Variants in NR2E3 observed in about 807,000 individuals in gnomAD.
NR2E3 encodes the protein photoreceptor-specific nuclear receptor.
In NR2E3, 38 loss-of-function variants were observed where a neutral mutation model predicts 37.6. The ratio of observed to expected loss-of-function variants is 1.01; its 90% CI spans 0.78 to 1.33. NR2E3 has a LOEUF of 1.33. Among genes scored for constraint, NR2E3 ranks in the 40% most tolerant of loss-of-function variants. NR2E3 has a pLI of 0.00. For synonymous variants in NR2E3, 235 were observed against 225.1 expected, an observed-to-expected ratio of 1.04 and a Z score of -0.39; for missense variants, 562 against 558.7, an observed-to-expected ratio of 1.01 and a Z score of -0.06.
intron 7 of NR2E3, 148 bp downstream of exon 7, chr15:71,814,265 C>A: frequency 1.4e-6 from 2 of 1,429,744 alleles, no homozygotes; most frequent in Non-Finnish European, 1.8e-6. Context: ...GTCCCAGGCA[C>A]AGTGCCAGGC....
intron 7 of NR2E3, chr15:71,814,439 T>G (rs2054212357): frequency 9.1e-7 from 1 of 1,104,762 alleles, no homozygotes; most frequent in Non-Finnish European, 1.1e-6. Flanking sequence ...AAAGCAGAAT[T>G]GGGAGGGACT....
At chr15:71,814,637 A>C in intron 7 of NR2E3, 1 of 963,542 alleles carries the variant, frequency 1.0e-6, no homozygotes, top group Non-Finnish European at 1.2e-6. Flanking sequence ...CCCGTTCAGG[A>C]CTTTGAATGC....
rs1297866191 is a variant in NR2E3, at chr15:71,814,301, A to G, written c.1100+184A>G. On this transcript the variant is annotated intron_variant, in intron 7 of 7. Transcript: ENST00000617575. ...CCCGGGAGTGGGGACCAAGATGTACATAAGACAAAGCTACTGCCTTCTAGA... is the reference window on the plus strand; with the variant it reads ...CCCGGGAGTGGGGACCAAGATGTACGTAAGACAAAGCTACTGCCTTCTAGA... 1.4e-5 allele frequency: 19 copies of G among 1,401,404 alleles called. 1 individual carries two copies. The highest frequency in any genetic ancestry group is 4.1e-4 in the Middle Eastern group (2 of 4,840). 86.8% of individuals were successfully genotyped at this position (1,401,404 alleles called of 1,614,324 possible). A position where few individuals can be genotyped will look rare whatever the true frequency, so the allele number is the denominator to read the frequency against.
In NR2E3 at chr15:71,811,407, C is replaced by A; in HGVS notation, c.119-76C>A. The A allele has an allele frequency of 2.9e-6, 4 of 1,388,420 alleles. No individual in the cohort carries two copies. Among genetic ancestry groups the A allele is most frequent in the Non-Finnish European group, 3.9e-6 (4 of 1,016,164 alleles). The allele number at this position is 1,388,420 out of a possible 1,614,324, so 86.0% of individuals were successfully genotyped here. A position where few individuals can be genotyped will look rare whatever the true frequency, so the allele number is the denominator to read the frequency against. ...GGGCCTGAGGACTGGGAAAGGGACC[C>A]GAGGGAAGGAGGGGAGCGTGCAGCC... On this transcript the variant is annotated intron_variant, in intron 1 of 7. Transcript: ENST00000617575. The surrounding 1 kb of genome is among the most constrained non-coding windows in gnomAD (Gnocchi z 5.6).
chr15:71,816,257 CTTTTTTTTTT>C (rs59789846), intron 7 of NR2E3, among the ~76,000 whole-genome samples: 3 of 121,992 alleles, frequency 2.5e-5, no homozygotes, highest in African/African-American at 9.5e-5. Context: ...TTAGCAAATA[CTTTTTTTTTT>C]TTTTTTTTTT....
Position 71,810,865 on chromosome 15 carries a change from T to C in NR2E3, c.118+4T>C. On this transcript the variant is annotated splice_donor_region_variant and intron_variant, in intron 1 of 7. Transcript: ENST00000617575. ...GGCCTGGGGGAGGATCCCACAGGTA[T>C]GGCTTCTCCTGGAGGTAGGGTTGGG... The C allele has an allele frequency of 6.5e-7, 1 of 1,549,188 alleles. No homozygotes were observed. Among genetic ancestry groups the C allele is most frequent in the South Asian group, 1.2e-5 (1 of 83,650 alleles).
Position 71,817,534 on chromosome 15 carries a change from G to A in NR2E3, c.1101-18G>A, listed in dbSNP as rs766821944. ...AGAAGCTGGTCGTAAAACTGATGGCGTCCTCTCTCCTGTTCAGGTTTGGGA... is the reference window on the plus strand; with the variant it reads ...AGAAGCTGGTCGTAAAACTGATGGCATCCTCTCTCCTGTTCAGGTTTGGGA... On this transcript the variant is annotated intron_variant, in intron 7 of 7. Transcript: ENST00000617575. The A allele has an allele frequency of 7.0e-6, 11 of 1,570,442 alleles. No individual in the cohort carries two copies. Among genetic ancestry groups the A allele is most frequent in the Non-Finnish European group, 8.7e-6 (10 of 1,147,020 alleles).
rs1475065792 is a variant in NR2E3 at position 71,811,154 on chromosome 15, C to T, written c.118+293C>T. Reference sequence around the variant, plus strand: ...TTAACAGCACAGAGGTCCCTAGTGGCGTTGACAAGAATGTTTCTGTGGGAT... The same window carrying T: ...TTAACAGCACAGAGGTCCCTAGTGGTGTTGACAAGAATGTTTCTGTGGGAT... On this transcript the variant is annotated intron_variant, in intron 1 of 7. Transcript: ENST00000617575. This position sits in a 1 kb window ranked among gnomAD's most constrained non-coding sequence, Gnocchi z 5.6. 2.0e-5 allele frequency among the ~76,000 whole-genome samples: 3 copies of T among 152,068 alleles called. No homozygotes were observed. The highest frequency in any genetic ancestry group is 2.1e-4 in the South Asian group (1 of 4,820).
At position 71,811,930 on chromosome 15, in the gene NR2E3, G is replaced by T. The variant is rs1048991956; in HGVS notation, c.350-25G>T. The T allele has an allele frequency of 7.1e-6, 11 of 1,548,594 alleles. No individual in the cohort carries two copies. Among genetic ancestry groups the T allele is most frequent in the Middle Eastern group, 1.7e-4 (1 of 6,010 alleles). On this transcript the variant is annotated intron_variant, in intron 3 of 7. Coordinates refer to ENST00000617575, the MANE Select transcript of NR2E3 (RefSeq NM_014249.4). This position sits in a 1 kb window ranked among gnomAD's most constrained non-coding sequence, Gnocchi z 5.6. Reference sequence around the variant, plus strand: ...AAATGGGCAGCGGGACTGGCGTGTCGTCCTGACCCTTCCTGCCTCCCCAGC... The same window carrying T: ...AAATGGGCAGCGGGACTGGCGTGTCTTCCTGACCCTTCCTGCCTCCCCAGC...
Position 71,817,604 on chromosome 15 carries a change from C to G in NR2E3, c.1153C>G (p.Arg385Gly). ...LPSLRFITAE[R>G]IELLFFRKTI... ...GTCTTTGAGGTTTATCACTGCGGAA[C>G]GCATCGAGCTCCTCTTTTTCCGCAA... The change falls in exon 8 of 8, where the codon CGC (arginine) becomes GGC (glycine). Residue 385 changes from arginine (R) to glycine (G), a missense_variant. By Grantham distance (125) the Arg-to-Gly change is moderately radical (BLOSUM62 -2). Coordinates refer to ENST00000617575, the MANE Select transcript of NR2E3 (RefSeq NM_014249.4). 1 of 1,609,716 alleles carries G rather than the reference C, an allele frequency of 6.2e-7. No homozygotes were observed. Among genetic ancestry groups the G allele is most frequent in the Non-Finnish European group, 8.5e-7 (1 of 1,176,336 alleles).
At chr15:71,816,200 G>A (rs1201884859) in intron 7 of NR2E3, among the ~76,000 whole-genome samples, 3 of 151,504 alleles carry the variant, frequency 2.0e-5, no homozygotes, top group African/African-American at 7.3e-5. Flanking sequence ...TCCCCCATCT[G>A]TCTCTTGGGG....
chr15:71,815,115 AGCCGGT>A (rs2054217127), intron 7 of NR2E3, among the ~76,000 whole-genome samples: 1 of 152,246 alleles, frequency 6.6e-6, no homozygotes, highest in South Asian at 2.1e-4. Context: ...GTGGGGCAGG[AGCCGGT>A]GCTCTGGGAC....
chr15:71,811,977 G>T lies in NR2E3; in HGVS notation c.372G>T (p.Pro124=), dbSNP rs561598022. The change falls in exon 4 of 8, where the codon CCG becomes CCT. Residue 124 remains proline, a synonymous_variant. Transcript: ENST00000617575. The surrounding 1 kb of genome is among the most constrained non-coding windows in gnomAD (Gnocchi z 5.6). ...CAGCCGTGCAGAACGAGCGCCAGCC[G>T]CGAAGCACAGCCCAGGTCCACCTGG... ...NQDAVQNERQ[P]RSTAQVHLDS... 6.4e-7 allele frequency: 1 copy of T among 1,552,272 alleles called. No individual in the cohort carries two copies.
intron 7 of NR2E3, chr15:71,814,477 G>A (rs2054212578): frequency 4.8e-6 from 5 of 1,043,752 alleles, no homozygotes; most frequent in Non-Finnish European, 5.8e-6. Context: ...GACTTGAAAG[G>A]AAGAAGAAGT....
In NR2E3 at chr15:71,811,659, G is replaced by A. The variant is rs1338288417; in HGVS notation, c.245+50G>A. The A allele has an allele frequency of 2.5e-6, 4 of 1,581,700 alleles. No homozygotes were observed. Among genetic ancestry groups the A allele is most frequent in the South Asian group, 2.3e-5 (2 of 86,618 alleles). On this transcript the variant is annotated intron_variant, in intron 2 of 7. Coordinates refer to ENST00000617575, the MANE Select transcript of NR2E3 (RefSeq NM_014249.4). This position sits in a 1 kb window ranked among gnomAD's most constrained non-coding sequence, Gnocchi z 5.6. The stretch of plus-strand genomic sequence containing the variant: ...CGTCTGCCCCTGAGGGGTTCTGGAG[G>A]GGTGAGGGGGTGCTCAGGGGAAGAG...
intron 7 of NR2E3, chr15:71,814,763 G>A (rs1353501340): frequency 1.1e-5 from 11 of 985,508 alleles, no homozygotes; most frequent in Non-Finnish European, 1.3e-5. Flanking sequence ...GGGTCCAGAG[G>A]ATACTACTGG....
chr15:71,812,399 C>T lies in NR2E3; in HGVS notation c.635C>T (p.Ser212Phe), dbSNP rs1052624628. The change falls in exon 5 of 8, where the codon TCC becomes TTC. Residue 212 changes from serine (S) to phenylalanine (F), a missense_variant. By Grantham distance (155) the Ser-to-Phe change is radical. Coordinates refer to ENST00000617575, the MANE Select transcript of NR2E3 (RefSeq NM_014249.4). ...PEFPSSPYSS[S>F]SPCGLDSIHE... ...TTCCCCTCCTCTCCATACTCCTCTT[C>T]CTCCCCCTGCGGCCTGGACAGCATC... 8.1e-6 allele frequency: 13 copies of T among 1,613,986 alleles called. No individual in the cohort carries two copies. Among genetic ancestry groups the T allele is most frequent in the South Asian group, 1.1e-5 (1 of 91,090 alleles).
At position 71,811,035 on chromosome 15, in the gene NR2E3, G is replaced by A. The variant is rs2054174399; in HGVS notation, c.118+174G>A. On this transcript the variant is annotated intron_variant, in intron 1 of 7. Transcript: ENST00000617575. This position sits in a 1 kb window ranked among gnomAD's most constrained non-coding sequence, Gnocchi z 5.6. ...CCCAGAATCCTAGAAACACGGTGGG[G>A]CGGGGATGGGGGTTGGGGGCGGGCA... Among the ~76,000 whole-genome samples, 2 of 152,310 alleles carry A rather than the reference G, an allele frequency of 1.3e-5. No homozygotes were observed. Among genetic ancestry groups the A allele is most frequent in the South Asian group, 4.1e-4 (2 of 4,832 alleles).
chr15:71,814,094 C>G lies in NR2E3; in HGVS notation c.1077C>G (p.Ala359=), dbSNP rs2140291797. 1 of 1,611,922 alleles carries G rather than the reference C, an allele frequency of 6.2e-7. No individual in the cohort carries two copies. The highest frequency in any genetic ancestry group is 1.1e-5 in the South Asian group (1 of 90,836). Residue 359 remains alanine, a synonymous_variant, in exon 7 of 8, where the codon GCC becomes GCG. Coordinates refer to ENST00000617575, the MANE Select transcript of NR2E3 (RefSeq NM_014249.4). The part of the protein sequence containing the change: ...SQVMLSQHSK[A]HHPSQPVRFG... ...TGATGCTGAGCCAGCACAGCAAGGC[C>G]CACCACCCCAGCCAGCCCGTGAGGT... is the stretch of plus-strand genomic sequence containing the variant.
Sources: gnomAD v4.1 joint callset for allele counts (sites outside exome capture counted in the v4.1 genomes callset) on GRCh38, gnomAD v4.1.1 for gene constraint, Gnocchi (gnomAD v3.1) non-coding constraint, MANE v1.5 for transcripts, NCBI Gene and HGNC (gene_info 2026-07-23, HGNC 2026-07-21) for gene names.